SDHAF3: variants seen among roughly 807,000 people sequenced by gnomAD.
SDHAF3 encodes succinate dehydrogenase complex assembly factor 3, also known as succinate dehydrogenase assembly factor 3, mitochondrial.
SDHAF3 carries 18 observed loss-of-function variants against 11.5 expected under a neutral mutation model. That is an observed-to-expected ratio of 1.56 (90% CI 1.08 to 2.32). The LOEUF (loss-of-function observed/expected upper bound fraction) is 2.32, where lower values mean the gene tolerates loss of function less well. Ranked by LOEUF, SDHAF3 falls within the 30% of genes most tolerant of loss-of-function variation. SDHAF3 has a pLI of 0.00. For synonymous variants in SDHAF3, 72 were observed against 59.3 expected (o/e 1.21, Z -0.99); for missense variants, 200 against 154.4 (o/e 1.30, Z -1.57).
At position 97,161,289 on chromosome 7, in the gene SDHAF3, C is replaced by T. The variant is rs1398257566; in HGVS notation, c.175-19723C>T. Among the ~76,000 whole-genome samples the T allele has an allele frequency of 2.0e-5, 3 of 152,042 alleles. No individual in the cohort carries two copies. In the East Asian group the frequency reaches 5.8e-4, roughly 29 times the overall value. On this transcript the variant is annotated intron_variant, in intron 1 of 1. Transcript: ENST00000432641. The stretch of plus-strand genomic sequence containing the variant: ...TATTTTCCTCTATTAGTATTTTTAC[C>T]TTACAGTGGGTTTGTCAGGACACTA...
chr7:97,123,750 T>C (rs1791533508), intron 1 of SDHAF3, among the ~76,000 whole-genome samples: 1 of 152,116 alleles, frequency 6.6e-6, no homozygotes, highest in Non-Finnish European at 1.5e-5. Flanking sequence ...TGACCAGTGA[T>C]GATGAGCTTT....
At chr7:97,150,562 CTTTT>C (rs34184405) in intron 1 of SDHAF3, among the ~76,000 whole-genome samples, 5 of 104,740 alleles carry the variant, frequency 4.8e-5, no homozygotes, top group African/African-American at 3.6e-5. Context: ...TCTTTTTTTC[CTTTT>C]TTTTTTTTTT....
intron 1 of SDHAF3, among the ~76,000 whole-genome samples, chr7:97,164,382 CT>C (rs200122758): frequency 0.097 from 12,424 of 128,394 alleles, 561 homozygotes; most frequent in Middle Eastern, 0.15. Flanking sequence ...GTTCATAGTT[CT>C]TTTTTTTTTT....
At chr7:97,136,020 G>T (rs1026635526) in intron 1 of SDHAF3, among the ~76,000 whole-genome samples, 1 of 151,914 alleles carries the variant, frequency 6.6e-6, no homozygotes, top group African/African-American at 2.4e-5. Context: ...GAAGAATTTG[G>T]TAGGTTCATG....
At chr7:97,154,870 G>C (rs752722261) in intron 1 of SDHAF3, among the ~76,000 whole-genome samples, 55 of 152,116 alleles carry the variant, frequency 3.6e-4, no homozygotes, top group Non-Finnish European at 7.2e-4. Context: ...ATATCCAGTT[G>C]CTTCAGCGTA....
chr7:97,141,219 G>T (rs946534787), intron 1 of SDHAF3, among the ~76,000 whole-genome samples: 1 of 152,086 alleles, frequency 6.6e-6, no homozygotes, highest in Admixed American at 6.6e-5. Flanking sequence ...ATGACAATGC[G>T]TGCCGGAAAC....
intron 1 of SDHAF3, among the ~76,000 whole-genome samples, chr7:97,141,114 C>T (rs1390652419): frequency 6.6e-6 from 1 of 152,194 alleles, no homozygotes; most frequent in Non-Finnish European, 1.5e-5. Flanking sequence ...CCATAGCACT[C>T]CCAGGCTTAT....
intron 1 of SDHAF3, chr7:97,136,312 A>C: frequency 2.0e-6 from 1 of 509,542 alleles, no homozygotes; most frequent in African/African-American, 1.9e-5. Context: ...AATCCTTTTG[A>C]AAAGTGAATT....
At chr7:97,153,611 G>C (rs1789258281) in intron 1 of SDHAF3, among the ~76,000 whole-genome samples, 1 of 152,180 alleles carries the variant, frequency 6.6e-6, no homozygotes, top group Non-Finnish European at 1.5e-5. Context: ...GTTTAGTTTT[G>C]TTAGAAATTG....
chr7:97,181,392 A>G lies in SDHAF3; in HGVS notation c.*177A>G, dbSNP rs1789772314. On this transcript the variant is annotated 3_prime_UTR_variant, in exon 2 of 2. Coordinates refer to ENST00000432641, the MANE Select transcript of SDHAF3 (RefSeq NM_020186.3). ...AGATCACTAGTGACAATTGAAAAAA[A>G]CTATTGGAATAATAGCACTTGTATG... 2.0e-6 allele frequency: 1 copy of G among 495,778 alleles called. No individual in the cohort carries two copies. The allele number at this position is 495,778 out of a possible 1,614,324, so 30.7% of individuals were successfully genotyped here. A position where few individuals can be genotyped will look rare whatever the true frequency, so the allele number is the denominator to read the frequency against.
At chr7:97,136,766 A>G (rs891131173) in intron 1 of SDHAF3, among the ~76,000 whole-genome samples, 3 of 152,172 alleles carry the variant, frequency 2.0e-5, no homozygotes, top group Non-Finnish European at 4.4e-5. Flanking sequence ...TTTAAATATA[A>G]TGTTTGTTCA....
intron 1 of SDHAF3, chr7:97,142,600 A>G (rs925460041): frequency 1.3e-5 from 2 of 152,148 alleles, no homozygotes; most frequent in East Asian, 3.9e-4. Context: ...AGTATCAAGC[A>G]TCTCTAGTTT....
At chr7:97,128,274 TCTA>T (rs1481306301) in intron 1 of SDHAF3, among the ~76,000 whole-genome samples, 1 of 152,250 alleles carries the variant, frequency 6.6e-6, no homozygotes, top group African/African-American at 2.4e-5. Context: ...TAGAATGTTT[TCTA>T]CTTTTTCATG....
At chr7:97,127,127 C>T (rs1485103316) in intron 1 of SDHAF3, among the ~76,000 whole-genome samples, 1 of 152,192 alleles carries the variant, frequency 6.6e-6, no homozygotes, top group Non-Finnish European at 1.5e-5. Context: ...CCATGGGCTG[C>T]ACCCACTGCC....
chr7:97,177,468 C>G (rs992199452), intron 1 of SDHAF3, among the ~76,000 whole-genome samples: 40 of 152,176 alleles, frequency 2.6e-4, no homozygotes, highest in African/African-American at 9.6e-4. Context: ...CGCCACTGCA[C>G]TCCAGCTTGG....
intron 1 of SDHAF3, among the ~76,000 whole-genome samples, chr7:97,134,377 A>G (rs1023986966): frequency 6.6e-5 from 10 of 152,214 alleles, no homozygotes; most frequent in African/African-American, 2.4e-4. Context: ...AATGAACACC[A>G]CTTTAAAAGA....
chr7:97,129,130 A>G (rs563126799), intron 1 of SDHAF3, among the ~76,000 whole-genome samples: 3 of 152,160 alleles, frequency 2.0e-5, no homozygotes, highest in Non-Finnish European at 4.4e-5. Flanking sequence ...TCATGTTCCA[A>G]ATGTCTTGAG....
intron 1 of SDHAF3, among the ~76,000 whole-genome samples, chr7:97,139,404 A>G (rs1458324575): frequency 6.8e-6 from 1 of 146,100 alleles, no homozygotes; most frequent in Non-Finnish European, 1.5e-5. Flanking sequence ...GTTTGTGAGT[A>G]TGCAAAAAAG....
chr7:97,154,448 G>C (rs907166028), intron 1 of SDHAF3, among the ~76,000 whole-genome samples: 1 of 151,928 alleles, frequency 6.6e-6, no homozygotes, highest in East Asian at 1.9e-4. Flanking sequence ...GTGAAATGTT[G>C]CTCATTTATT....
Sources: allele counts gnomAD v4.1 joint callset (sites outside exome capture counted in the v4.1 genomes callset), GRCh38; gene constraint gnomAD v4.1.1; transcripts MANE v1.5; gene names NCBI Gene and HGNC (gene_info 2026-07-23, HGNC 2026-07-21).